NFATC4: variants seen among roughly 807,000 people sequenced by gnomAD.
NFATC4 encodes the protein nuclear factor of activated T-cells, cytoplasmic 4.
Under a neutral mutation model 73.4 loss-of-function variants are expected in NFATC4, and 25 were observed. That is an observed-to-expected ratio of 0.34 (90% CI 0.25 to 0.48). The LOEUF is 0.48. Ranked by LOEUF, NFATC4 falls within the 20% of genes least tolerant of loss-of-function variation. NFATC4 has a pLI of 0.99. For missense variants in NFATC4, 1,130 were observed against 1,203.7 expected, an observed-to-expected ratio of 0.94 and a Z score of 0.91; for synonymous variants, 523 against 510.3, an observed-to-expected ratio of 1.02 and a Z score of -0.34.
chr14:24,369,467 C>G, intron 1 of NFATC4, 32 bp from the exon 2 acceptor site: 1 of 1,612,842 alleles, frequency 6.2e-7, no homozygotes, highest in Non-Finnish European at 8.5e-7. Context: ...CTCTTTCCCC[C>G]TCTCCCTCTG....
In NFATC4 at chr14:24,376,015, G is replaced by A. The variant is rs1472754397; in HGVS notation, c.1970G>A (p.Arg657Lys). 1 of 1,614,058 alleles carries A rather than the reference G, an allele frequency of 6.2e-7. No individual in the cohort carries two copies. The highest frequency in any genetic ancestry group is 1.7e-4 in the Middle Eastern group (1 of 6,058). Residue 657 changes from arginine (R) to lysine (K), a missense_variant, in exon 8 of 10, where the codon AGG (arginine) becomes AAG (lysine). Physicochemically the swap from Arg to Lys is conservative, Grantham distance 26. Coordinates refer to ENST00000250373, the MANE Select transcript of NFATC4 (RefSeq NM_004554.5). This position sits in a 1 kb window ranked among gnomAD's most constrained non-coding sequence, Gnocchi z 5.0. ...ACTGTCCCCGAGTACAGCAACAAGA[G>A]GGTTTCCCGGCCAGTCCAGGTCTAC... is the stretch of plus-strand genomic sequence containing the variant. Reference protein sequence around the residue: ...TLTVPEYSNKRVSRPVQVYFY... With the variant: ...TLTVPEYSNKKVSRPVQVYFY...
chr14:24,373,586 T>A lies in NFATC4; in HGVS notation c.1560-109T>A. On this transcript the variant is annotated intron_variant, in intron 4 of 9. Coordinates refer to ENST00000250373, the MANE Select transcript of NFATC4 (RefSeq NM_004554.5). This position sits in a 1 kb window ranked among gnomAD's most constrained non-coding sequence, Gnocchi z 4.7. ...TAGAAAATAGCCTCCTAGGCACTCA[T>A]CGAAAGTCATTCAAGGCTTTGGATG... 1 of 1,496,572 alleles carries A rather than the reference T, an allele frequency of 6.7e-7. No homozygotes were observed. The allele number at this position is 1,496,572 out of a possible 1,614,324, so 92.7% of individuals were successfully genotyped here.
chr14:24,368,296 C>A lies in NFATC4; in HGVS notation c.-45C>A. 1 of 1,374,370 alleles carries A rather than the reference C, an allele frequency of 7.3e-7. No homozygotes were observed. The highest frequency in any genetic ancestry group is 9.4e-7 in the Non-Finnish European group (1 of 1,064,208). The allele number at this position is 1,374,370 out of a possible 1,614,324, so 85.1% of individuals were successfully genotyped here. A position where few individuals can be genotyped will look rare whatever the true frequency, so the allele number is the denominator to read the frequency against. On this transcript the variant is annotated 5_prime_UTR_variant, in exon 1 of 10. Coordinates refer to ENST00000250373, the MANE Select transcript of NFATC4 (RefSeq NM_004554.5). ...TGAAGATACAGCAGCCTCCTGAACT[C>A]CCCCCTCCCACCCAGGCCGGGACCT...
upstream of NFATC4, chr14:24,368,093 G>A: frequency 1.2e-5 from 14 of 1,182,266 alleles, no homozygotes; most frequent in Non-Finnish European, 1.4e-5. Flanking sequence ...CCCTGGAGGA[G>A]GGGCTGGAGC....
At chr14:24,372,636 C>G (rs1039452856) in intron 3 of NFATC4, 33 bp downstream of exon 3, 1 of 1,613,076 alleles carries the variant, frequency 6.2e-7, no homozygotes, top group Non-Finnish European at 8.5e-7. Flanking sequence ...GATATCCTCT[C>G]TCCTCTCCCA....
intron 6 of NFATC4, 41 bp downstream of exon 6, chr14:24,374,507 T>C: frequency 6.4e-7 from 1 of 1,567,394 alleles, no homozygotes. Context: ...CAGGGAGAGC[T>C]TGGGAGTGGC....
Position 24,369,659 on chromosome 14 carries a change from C to T in NFATC4, c.261C>T (p.Ser87=). The change falls in exon 2 of 10, where the codon AGC becomes AGT. Residue 87 remains serine (S), a synonymous_variant. Coordinates refer to ENST00000250373, the MANE Select transcript of NFATC4 (RefSeq NM_004554.5). ...CCCCCTCACCTGGCACCTGGGAGAGCCAGCCCGCCAGGTCGGTGAGGCTGG... is the reference window on the plus strand; with the variant it reads ...CCCCCTCACCTGGCACCTGGGAGAGTCAGCCCGCCAGGTCGGTGAGGCTGG... ...RPAPSPGTWE[S]QPARSVRLGG... 1 of 1,612,832 alleles carries T rather than the reference C, an allele frequency of 6.2e-7. No individual in the cohort carries two copies. The highest frequency in any genetic ancestry group is 1.7e-5 in the Admixed American group (1 of 59,980).
chr14:24,367,370 A>C (rs765350835), upstream of NFATC4: 1 of 1,535,928 alleles, frequency 6.5e-7, no homozygotes, highest in Non-Finnish European at 8.7e-7. Context: ...TTCATTCCAG[A>C]CTACAGTTCT....
intron 7 of NFATC4, 108 bp from the exon 8 acceptor site, chr14:24,375,867 G>T (rs1170350967): frequency 1.9e-6 from 3 of 1,564,776 alleles, no homozygotes; most frequent in African/African-American, 2.7e-5. Flanking sequence ...AATGAACTTT[G>T]CATCTTAGAA....
At chr14:24,368,633 G>C (rs1594698286) in intron 1 of NFATC4, among the ~76,000 whole-genome samples, 193 bp downstream of exon 1, 2 of 146,150 alleles carry the variant, frequency 1.4e-5, no homozygotes, top group African/African-American at 5.0e-5. Context: ...TTTAGGTCGT[G>C]ACTGGGGTGG....
chr14:24,374,500 G>A, intron 6 of NFATC4, 34 bp downstream of exon 6: 1 of 1,571,012 alleles, frequency 6.4e-7, no homozygotes, highest in Non-Finnish European at 8.7e-7. Context: ...GGGCAGGCAG[G>A]GAGAGCTTGG....
chr14:24,373,509 C>A lies in NFATC4; in HGVS notation c.1559+139C>A. On this transcript the variant is annotated intron_variant, in intron 4 of 9. Transcript: ENST00000250373. The surrounding 1 kb of genome is among the most constrained non-coding windows in gnomAD (Gnocchi z 4.7). ...AGCTGGCTTCAGGCCTACCCACCAT[C>A]TGGAAGAGGACTTTTGGGGTTGGGG... is the stretch of plus-strand genomic sequence containing the variant. 2 of 1,363,226 alleles carry A rather than the reference C, an allele frequency of 1.5e-6. No individual in the cohort carries two copies. Among genetic ancestry groups the A allele is most frequent in the Non-Finnish European group, 2.0e-6 (2 of 995,008 alleles). 84.4% of individuals were successfully genotyped at this position (1,363,226 alleles called of 1,614,324 possible).
chr14:24,372,145 C>A, intron 2 of NFATC4: 2 of 337,578 alleles, frequency 5.9e-6, no homozygotes, highest in South Asian at 8.8e-5. Flanking sequence ...CCAACCCCTG[C>A]GCTCAGAGCT....
In NFATC4 at chr14:24,376,353, G is replaced by A. The variant is rs769873433; in HGVS notation, c.2116G>A (p.Ala706Thr). The A allele has an allele frequency of 6.2e-7, 1 of 1,606,966 alleles. No individual in the cohort carries two copies. The highest frequency in any genetic ancestry group is 1.1e-5 in the South Asian group (1 of 90,012). The change falls in exon 9 of 10, where the codon GCA becomes ACA. Residue 706 changes from alanine (A) to threonine (T), a missense_variant. Transcript: ENST00000250373. The surrounding 1 kb of genome is among the most constrained non-coding windows in gnomAD (Gnocchi z 5.0). ...TCTGCGGGGTTTCCCTTCAGCATCG[G>A]CAACCCCCTTTGGCACTGACATGGA... ...SSLRGFPSAS[A>T]TPFGTDMDFS...
In NFATC4 at chr14:24,372,444, C is replaced by A. The variant is rs757576453; in HGVS notation, c.1200C>A (p.Thr400=). The A allele has an allele frequency of 6.2e-7, 1 of 1,613,248 alleles. No homozygotes were observed. Among genetic ancestry groups the A allele is most frequent in the Admixed American group, 1.7e-5 (1 of 59,978 alleles). Residue 400 remains threonine (T), a synonymous_variant, in exon 3 of 10, where the codon ACC becomes ACA. Coordinates refer to ENST00000250373, the MANE Select transcript of NFATC4 (RefSeq NM_004554.5). ...AATGCTCTTCTCTCCCACCCAGGAC[C>A]TCTGCCCTACCCCCACTGGACTGGC... ...RIGGHSPIFR[T]SALPPLDWPL...
chr14:24,372,238 T>G, intron 2 of NFATC4: 1 of 590,966 alleles, frequency 1.7e-6, no homozygotes, highest in Admixed American at 3.2e-5. Flanking sequence ...TTCTGGACTT[T>G]TGGATTTCTT....
At chr14:24,368,073 C>A, upstream of NFATC4, 3 of 1,153,234 alleles carry the variant, frequency 2.6e-6, no homozygotes, top group Admixed American at 4.7e-5. Flanking sequence ...GCGTGGTTTT[C>A]CCATCTCATC....
chr14:24,373,444 C>T lies in NFATC4; in HGVS notation c.1559+74C>T. The T allele has an allele frequency of 6.5e-7, 1 of 1,530,998 alleles. No homozygotes were observed. Among genetic ancestry groups the T allele is most frequent in the Non-Finnish European group, 8.9e-7 (1 of 1,117,724 alleles). 94.8% of individuals were successfully genotyped at this position (1,530,998 alleles called of 1,614,324 possible). ...TCTCCACTGGGCCTATGCTAGCCCA[C>T]TTCTTCCTTTTCCCAGAAGAGGTAG... On this transcript the variant is annotated intron_variant, in intron 4 of 9. Transcript: ENST00000250373. The surrounding 1 kb of genome is among the most constrained non-coding windows in gnomAD (Gnocchi z 4.7).
intron 1 of NFATC4, 67 bp from the exon 2 acceptor site, chr14:24,369,432 G>T: frequency 6.2e-7 from 1 of 1,609,694 alleles, no homozygotes; most frequent in Non-Finnish European, 8.5e-7. Context: ...GCCACTCAAG[G>T]AACATAGCCA....
Sources: allele counts gnomAD v4.1 joint callset (sites outside exome capture counted in the v4.1 genomes callset), GRCh38; gene constraint gnomAD v4.1.1; non-coding constraint Gnocchi (gnomAD v3.1); transcripts MANE v1.5; gene names NCBI Gene and HGNC (gene_info 2026-07-23, HGNC 2026-07-21).